BCAS3: variants seen among roughly 807,000 people sequenced by gnomAD.
The protein encoded by BCAS3 is BCAS4/BCAS3 fusion.
In BCAS3, 53 loss-of-function variants were observed where a neutral mutation model predicts 116.1. The observed-to-expected ratio is 0.46, with a 90% confidence interval of 0.37 to 0.57. BCAS3 has a LOEUF of 0.57. BCAS3 is among the 20% of genes least tolerant of loss of function. The pLI is 0.00. For missense variants in BCAS3, 917 were observed against 1,165.4 expected, an observed-to-expected ratio of 0.79 and a Z score of 3.10; for synonymous variants, 391 against 408.2, an observed-to-expected ratio of 0.96 and a Z score of 0.51.
At chr17:61,216,527 T>TTTATC (rs1290237182) in intron 22 of BCAS3, among the ~76,000 whole-genome samples, 1 of 150,060 alleles carries the variant, frequency 6.7e-6, no homozygotes, top group Non-Finnish European at 1.5e-5. Flanking sequence ...TTTATTTTAT[T>TTTATC]TTATTTTATT....
At chr17:60,754,226 G>C (rs1180656315) in intron 6 of BCAS3, among the ~76,000 whole-genome samples, 1 of 151,568 alleles carries the variant, frequency 6.6e-6, no homozygotes, top group Admixed American at 6.6e-5. Flanking sequence ...CTTTCTCTGG[G>C]ATAGAATTTT....
intron 10 of BCAS3, among the ~76,000 whole-genome samples, chr17:60,898,015 C>T (rs948669712): frequency 3.3e-5 from 5 of 151,950 alleles, no homozygotes; most frequent in South Asian, 2.1e-4. Flanking sequence ...GTTGGGATTA[C>T]AGGCATGAGC....
In BCAS3 at chr17:61,077,860, A is replaced by T. The variant is rs554990613; in HGVS notation, c.2131-473A>T. 6.6e-6 allele frequency among the ~76,000 whole-genome samples: 1 copy of T among 152,334 alleles called. No homozygotes were observed. The highest frequency in any genetic ancestry group is 1.9e-4 in the East Asian group (1 of 5,186). On this transcript the variant is annotated intron_variant, in intron 20 of 23. Transcript: ENST00000407086. This position sits in a 1 kb window ranked among gnomAD's most constrained non-coding sequence, Gnocchi z 4.3. ...ACTTTTCCTTGGATGGTTCAAGAAC[A>T]ACTTCACGTTTGTCATAAGCTTGAT...
rs1328470488 is a variant in BCAS3, at chr17:61,315,034, T to A, written c.2426-53293T>A. On this transcript the variant is annotated intron_variant, in intron 22 of 23. Transcript: ENST00000407086. This position sits in a 1 kb window ranked among gnomAD's most constrained non-coding sequence, Gnocchi z 5.3. ...TCACCCATCCGAGGAACAGTGTGCC[T>A]GGAAAATGCCTTGAATCCTCTCCCC... Among the ~76,000 whole-genome samples, 1 of 152,182 alleles carries A rather than the reference T, an allele frequency of 6.6e-6. No homozygotes were observed. Among genetic ancestry groups the A allele is most frequent in the Non-Finnish European group, 1.5e-5 (1 of 68,038 alleles).
At chr17:60,940,146 G>T (rs2145219433) in intron 13 of BCAS3, among the ~76,000 whole-genome samples, 1 of 152,296 alleles carries the variant, frequency 6.6e-6, no homozygotes, top group Non-Finnish European at 1.5e-5. Context: ...TAGAAAATCA[G>T]TTGTTCACTT....
intron 22 of BCAS3, among the ~76,000 whole-genome samples, chr17:61,329,534 G>A (rs916970279): frequency 2.6e-5 from 4 of 151,538 alleles, no homozygotes; most frequent in Non-Finnish European, 4.4e-5. Context: ...GTAGAGACGG[G>A]GTTTCACCGT....
chr17:61,077,465 G>C lies in BCAS3; in HGVS notation c.2131-868G>C, dbSNP rs971124050. On this transcript the variant is annotated intron_variant, in intron 20 of 23. Transcript: ENST00000407086. The surrounding 1 kb of genome is among the most constrained non-coding windows in gnomAD (Gnocchi z 4.3). ...CCAGGAGGCGGAGCTTGCAGTGAGCGGAGATCACGCCACTGCACTCCAGTC... is the reference window on the plus strand; with the variant it reads ...CCAGGAGGCGGAGCTTGCAGTGAGCCGAGATCACGCCACTGCACTCCAGTC... Among the ~76,000 whole-genome samples, 3 of 152,028 alleles carry C rather than the reference G, an allele frequency of 2.0e-5. No individual in the cohort carries two copies. Among genetic ancestry groups the C allele is most frequent in the Non-Finnish European group, 4.4e-5 (3 of 68,006 alleles).
rs1011048785 is a variant in BCAS3, at chr17:61,294,762, T to C, written c.2426-73565T>C. 3.9e-5 allele frequency among the ~76,000 whole-genome samples: 6 copies of C among 152,340 alleles called. No homozygotes were observed. The South Asian group carries it at 8.3e-4, about 21-fold the overall frequency. ...TAAGACGTGCTCCATCCAGTCTCCA[T>C]TGCTGGGATTTAGTCTGTATTTGAT... On this transcript the variant is annotated intron_variant, in intron 22 of 23. Transcript: ENST00000407086.
intron 10 of BCAS3, among the ~76,000 whole-genome samples, chr17:60,899,277 A>G (rs1021805246): frequency 3.9e-5 from 6 of 151,936 alleles, no homozygotes; most frequent in Admixed American, 6.5e-5. Flanking sequence ...CCCGGTGGCA[A>G]TGGCATATAC....
intron 14 of BCAS3, among the ~76,000 whole-genome samples, chr17:60,979,974 T>C (rs576096859): frequency 0.039 from 5,918 of 151,286 alleles, 354 homozygotes; most frequent in African/African-American, 0.14. Flanking sequence ...GGTTGTGTAT[T>C]TGCCCGGCTT....
intron 6 of BCAS3, among the ~76,000 whole-genome samples, chr17:60,748,289 A>C (rs564939213): frequency 4.3e-4 from 66 of 152,314 alleles, no homozygotes; most frequent in Admixed American, 2.6e-3. Context: ...AGGAGGGTGG[A>C]GGAAACAAGC....
At chr17:61,299,442 CAAAAAAAAAAAAAAAA>C (rs538072648) in intron 22 of BCAS3, among the ~76,000 whole-genome samples, 1 of 57,154 alleles carries the variant, frequency 1.7e-5, no homozygotes, top group African/African-American at 6.0e-5. Flanking sequence ...GACTCCATCT[CAAAAAAAAAAAAAAAA>C]AAAAAAAAGA....
rs9913310 is a variant in BCAS3, at chr17:60,809,511, G to A, written c.476+1435G>A. ...CTCTTCCAGGGTTGGTTGGTTGGTT[G>A]GTTGGTTATAGAGTGTCTTCCAGGG... On this transcript the variant is annotated intron_variant, in intron 7 of 23. Coordinates refer to ENST00000407086, the MANE Select transcript of BCAS3 (RefSeq NM_017679.5). Among the ~76,000 whole-genome samples the A allele has an allele frequency of 3.0e-4, 46 of 152,164 alleles. No homozygotes were observed. The South Asian group carries it at 6.0e-3, about 20-fold the overall frequency.
In BCAS3 at chr17:61,063,627, C is replaced by T. The variant is rs1342927017; in HGVS notation, c.2030-11293C>T. Among the ~76,000 whole-genome samples, 4 of 152,114 alleles carry T rather than the reference C, an allele frequency of 2.6e-5. No individual in the cohort carries two copies. Among genetic ancestry groups the T allele is most frequent in the African/African-American group, 9.7e-5 (4 of 41,414 alleles). Reference sequence around the variant, plus strand: ...CTTGTTTCCACTTGATTAAAATTTCCATTGAAAGCTTTGCTGTAGTCTGCA... The same window carrying T: ...CTTGTTTCCACTTGATTAAAATTTCTATTGAAAGCTTTGCTGTAGTCTGCA... On this transcript the variant is annotated intron_variant, in intron 19 of 23. Transcript: ENST00000407086. This position sits in a 1 kb window ranked among gnomAD's most constrained non-coding sequence, Gnocchi z 5.3.
At chr17:61,290,090 G>GGAAA (rs2052239357) in intron 22 of BCAS3, among the ~76,000 whole-genome samples, 1 of 152,108 alleles carries the variant, frequency 6.6e-6, no homozygotes, top group South Asian at 2.1e-4. Context: ...GTGTGGTGGT[G>GGAAA]GAAAGAGTTC....
rs1448788359 is a variant in BCAS3, at chr17:61,213,929, G to C, written c.2425+129365G>C. Reference sequence around the variant, plus strand: ...GAAGAGACTATAGAAATGTAGTGCAGAGGGAAGACAAGTGAGGAATTATGG... The same window carrying C: ...GAAGAGACTATAGAAATGTAGTGCACAGGGAAGACAAGTGAGGAATTATGG... On this transcript the variant is annotated intron_variant, in intron 22 of 23. Coordinates refer to ENST00000407086, the MANE Select transcript of BCAS3 (RefSeq NM_017679.5). The surrounding 1 kb of genome is among the most constrained non-coding windows in gnomAD (Gnocchi z 5.4). Among the ~76,000 whole-genome samples the C allele has an allele frequency of 2.0e-5, 3 of 152,170 alleles. No homozygotes were observed.
intron 19 of BCAS3, 85 bp downstream of exon 19, chr17:61,040,977 C>G: frequency 8.6e-7 from 1 of 1,161,088 alleles, no homozygotes; most frequent in Non-Finnish European, 1.3e-6. Context: ...CAAACATTAC[C>G]ACTGGTCCAT....
chr17:60,949,461 C>T (rs1406517596), intron 14 of BCAS3, among the ~76,000 whole-genome samples: 2 of 151,726 alleles, frequency 1.3e-5, no homozygotes, highest in African/African-American at 4.8e-5. Flanking sequence ...AGAGATGACA[C>T]TATGTTGTCT....
intron 14 of BCAS3, among the ~76,000 whole-genome samples, chr17:60,973,000 A>G (rs2062059870): frequency 6.6e-6 from 1 of 151,876 alleles, no homozygotes; most frequent in Admixed American, 6.6e-5. Flanking sequence ...TTTCTTTTCC[A>G]GTAGGGTTAG....
Sources: allele counts gnomAD v4.1 joint callset (sites outside exome capture counted in the v4.1 genomes callset), GRCh38; gene constraint gnomAD v4.1.1; non-coding constraint Gnocchi (gnomAD v3.1); transcripts MANE v1.5; gene names NCBI Gene and HGNC (gene_info 2026-07-23, HGNC 2026-07-21).